ZSWIM5: variants seen among roughly 807,000 people sequenced by gnomAD.
ZSWIM5 encodes zinc finger SWIM-type containing 5.
A neutral mutation model predicts 119.6 loss-of-function variants in ZSWIM5; 55 were observed. The ratio of observed to expected loss-of-function variants is 0.46; its 90% confidence interval spans 0.37 to 0.58. ZSWIM5 has a LOEUF of 0.58. Ranked by LOEUF, ZSWIM5 falls within the 20% of genes least tolerant of loss-of-function variation. ZSWIM5 has a pLI of 0.00. For missense variants in ZSWIM5, 1,193 were observed against 1,512.8 expected (o/e 0.79, Z 3.51); for synonymous variants, 537 against 606.9 (o/e 0.88, Z 1.69).
At chr1:45,172,737 T>C (rs1304659052) in intron 1 of ZSWIM5, among the ~76,000 whole-genome samples, 1 of 152,190 alleles carries the variant, frequency 6.6e-6, no homozygotes, top group Non-Finnish European at 1.5e-5. Flanking sequence ...CATGTCCTTG[T>C]AGTCTTATCT....
At chr1:45,105,808 G>A (rs1057040994) in intron 1 of ZSWIM5, among the ~76,000 whole-genome samples, 1 of 149,748 alleles carries the variant, frequency 6.7e-6, no homozygotes, top group Non-Finnish European at 1.5e-5. Flanking sequence ...TGGGATGTGA[G>A]GAGAGCCTCT....
At chr1:45,165,310 T>A (rs1462509599) in intron 1 of ZSWIM5, among the ~76,000 whole-genome samples, 1 of 152,078 alleles carries the variant, frequency 6.6e-6, no homozygotes, top group Non-Finnish European at 1.5e-5. Context: ...GGGACACATT[T>A]AAAGCAGTGT....
chr1:45,118,250 T>A (rs941262730), intron 1 of ZSWIM5, among the ~76,000 whole-genome samples: 2 of 152,174 alleles, frequency 1.3e-5, no homozygotes, highest in African/African-American at 4.8e-5. Flanking sequence ...AGAAATAAAC[T>A]GTGGTCCAAG....
At chr1:45,193,942 A>G (rs1214769817) in intron 1 of ZSWIM5, among the ~76,000 whole-genome samples, 3 of 151,214 alleles carry the variant, frequency 2.0e-5, no homozygotes, top group African/African-American at 4.9e-5. Context: ...ATATGTGTAT[A>G]TATATATATA....
intron 1 of ZSWIM5, among the ~76,000 whole-genome samples, chr1:45,102,600 T>C (rs1645446437): frequency 6.6e-6 from 1 of 152,176 alleles, no homozygotes; most frequent in South Asian, 2.1e-4. Flanking sequence ...CTCAGGCACA[T>C]GGTAAGGACT....
At chr1:45,189,446 T>C (rs771963944) in intron 1 of ZSWIM5, among the ~76,000 whole-genome samples, 3 of 152,062 alleles carry the variant, frequency 2.0e-5, no homozygotes, top group African/African-American at 4.8e-5. Flanking sequence ...TCAACAATAC[T>C]ATATTTGATC....
intron 1 of ZSWIM5, among the ~76,000 whole-genome samples, chr1:45,159,563 C>CT (rs2149040813): frequency 6.6e-6 from 1 of 152,102 alleles, no homozygotes; most frequent in African/African-American, 2.4e-5. Context: ...ATTTTCCAAT[C>CT]TGGAGAGGTT....
Position 45,069,859 on chromosome 1 carries a change from T to A in ZSWIM5, c.953-9612A>T, listed in dbSNP as rs1489206288. ...TGCTTCCTGTTTTTTCAGTACATAT[T>A]TCTTTTACTGTTGCTCTTCATTCTT... On this transcript the variant is annotated intron_variant, in intron 2 of 13. Coordinates refer to ENST00000359600, the MANE Select transcript of ZSWIM5 (RefSeq NM_020883.2). 1.5e-5 allele frequency: 6 copies of A among 389,100 alleles called. No homozygotes were observed. The South Asian group carries it at 2.2e-4, about 14-fold the overall frequency. The allele number at this position is 389,100 out of a possible 1,614,324, so 24.1% of individuals were successfully genotyped here. A position where few individuals can be genotyped will look rare whatever the true frequency, so the allele number is the denominator to read the frequency against.
chr1:45,107,775 CCTTTT>C (rs1268984443), intron 1 of ZSWIM5, among the ~76,000 whole-genome samples: 5 of 151,950 alleles, frequency 3.3e-5, no homozygotes, highest in Non-Finnish European at 7.4e-5. Flanking sequence ...TCAGATGCCT[CCTTTT>C]CTTTCTTTCT....
intron 1 of ZSWIM5, among the ~76,000 whole-genome samples, chr1:45,116,155 C>G (rs1557770829): frequency 6.6e-6 from 1 of 152,090 alleles, no homozygotes; most frequent in Non-Finnish European, 1.5e-5. Context: ...TATATCTTTT[C>G]TTTTTGTAGC....
intron 1 of ZSWIM5, among the ~76,000 whole-genome samples, chr1:45,183,099 C>G (rs891624239): frequency 1.3e-5 from 2 of 152,166 alleles, no homozygotes; most frequent in African/African-American, 4.8e-5. Flanking sequence ...GAAACTCACT[C>G]AAGTCCGCTC....
chr1:45,019,111 CAG>C lies in ZSWIM5; in HGVS notation c.2899_2900del (p.Leu967ValfsTer7). The stretch of plus-strand genomic sequence containing the variant: ...CTTTCTCACAGAGTGTAAGGGCTGA[CAG>C]GGCACAGCTCTGTGGATCCTTCATA... ...CAMKDPQSCALSALTLCEKDH... is the reference protein window; with the variant it reads ...CAMKDPQSCAXSALTLCEKDH... On this transcript the variant is annotated frameshift_variant, in exon 14 of 14. Coordinates refer to ENST00000359600, the MANE Select transcript of ZSWIM5 (RefSeq NM_020883.2). LOFTEE classifies it high-confidence loss of function. This position sits in a 1 kb window ranked among gnomAD's most constrained non-coding sequence, Gnocchi z 5.0. 2 of 1,614,184 alleles carry C rather than the reference CAG, an allele frequency of 1.2e-6. No individual in the cohort carries two copies. The highest frequency in any genetic ancestry group is 1.7e-6 in the Non-Finnish European group (2 of 1,180,036).
chr1:45,133,049 C>A (rs960480442), intron 1 of ZSWIM5, among the ~76,000 whole-genome samples: 1 of 152,068 alleles, frequency 6.6e-6, no homozygotes, highest in Non-Finnish European at 1.5e-5. Flanking sequence ...GTCTTTGCTA[C>A]TGTGAATAGT....
chr1:45,194,127 A>G (rs564758462), intron 1 of ZSWIM5, among the ~76,000 whole-genome samples: 28 of 152,334 alleles, frequency 1.8e-4, no homozygotes, highest in African/African-American at 6.0e-4. Flanking sequence ...TTGGCTACTC[A>G]TATCAGTTAG....
chr1:45,067,451 AAAAGAAAG>A, intron 2 of ZSWIM5, among the ~76,000 whole-genome samples: 1 of 136,722 alleles, frequency 7.3e-6, no homozygotes, highest in East Asian at 2.1e-4. Flanking sequence ...AAAAAAAAAA[AAAAGAAAG>A]AAAGAAAGAA....
chr1:45,109,407 C>T (rs1245100988), intron 1 of ZSWIM5, among the ~76,000 whole-genome samples: 1 of 152,252 alleles, frequency 6.6e-6, no homozygotes, highest in South Asian at 2.1e-4. Context: ...CTTTTAACTC[C>T]TTTGCTGCTC....
At chr1:45,205,660 C>G (rs1271459203) in intron 1 of ZSWIM5, 96 bp downstream of exon 1, 1 of 1,298,562 alleles carries the variant, frequency 7.7e-7, no homozygotes, top group African/African-American at 1.6e-5. Flanking sequence ...AGGAGTTGGG[C>G]AGAAGGCCGG....
chr1:45,018,284 A>G lies in ZSWIM5; in HGVS notation c.*170T>C. The G allele has an allele frequency of 2.5e-6, 2 of 799,596 alleles. No homozygotes were observed. The highest frequency in any genetic ancestry group is 3.9e-6 in the Non-Finnish European group (2 of 518,886). 49.5% of individuals were successfully genotyped at this position (799,596 alleles called of 1,614,324 possible). A position where few individuals can be genotyped will look rare whatever the true frequency, so the allele number is the denominator to read the frequency against. On this transcript the variant is annotated 3_prime_UTR_variant, in exon 14 of 14. Transcript: ENST00000359600. The surrounding 1 kb of genome is among the most constrained non-coding windows in gnomAD (Gnocchi z 6.7). ...GCTGTAGTCAGAAGCTTGCCAAGGT[A>G]GGCATTATCGACTAGAGCTGGACTT...
At chr1:45,061,092 C>T (rs962938587) in intron 2 of ZSWIM5, among the ~76,000 whole-genome samples, 3 of 152,122 alleles carry the variant, frequency 2.0e-5, no homozygotes, top group African/African-American at 7.2e-5. Context: ...GACAAAACCA[C>T]TTAAAACATA....
Sources: gnomAD v4.1 joint callset for allele counts (sites outside exome capture counted in the v4.1 genomes callset) on GRCh38, gnomAD v4.1.1 for gene constraint, Gnocchi (gnomAD v3.1) non-coding constraint, MANE v1.5 for transcripts, NCBI Gene and HGNC (gene_info 2026-07-23, HGNC 2026-07-21) for gene names.